Variants in CCDC92B observed in about 807,000 individuals in gnomAD.
CCDC92B encodes coiled-coil domain containing 92B.
CCDC92B carries 2 observed loss-of-function variants against 5.6 expected under a neutral mutation model. The observed-to-expected ratio is 0.36, with a 90% CI of 0.15 to 1.12. The LOEUF is 1.12. Among genes scored for constraint, CCDC92B ranks in the 50% most tolerant of loss-of-function variants. The pLI, the probability that CCDC92B is intolerant of heterozygous loss-of-function variation, is 0.40. For missense variants in CCDC92B, 271 were observed against 262.2 expected, an observed-to-expected ratio of 1.03 and a Z score of -0.23; for synonymous variants, 115 against 122.3, an observed-to-expected ratio of 0.94 and a Z score of 0.39.
chr17:2,724,989 G>C lies in CCDC92B; in HGVS notation c.190C>G (p.Arg64Gly), dbSNP rs894772157. 1 of 985,328 alleles carries C rather than the reference G, an allele frequency of 1.0e-6. No individual in the cohort carries two copies. The highest frequency in any genetic ancestry group is 1.2e-6 in the Non-Finnish European group (1 of 829,976). 61.0% of individuals were successfully genotyped at this position (985,328 alleles called of 1,614,324 possible). The part of the protein sequence containing the change: ...AQSHQQEAAS[R>G]ELESKCRALE... ...GCGCGGCACTTGCTCTCCAGCTCCC[G>C]GGACGCCGCCTCTGGAACGGGGCAG... The change falls in exon 4 of 4, where the codon CGG becomes GGG. Residue 64 changes from arginine (R) to glycine (G), a missense_variant. Arg to Gly is a moderately radical substitution (Grantham distance 125, BLOSUM62 -2). Transcript: ENST00000614400. This position sits in a 1 kb window ranked among gnomAD's most constrained non-coding sequence, Gnocchi z 5.0.
In CCDC92B at chr17:2,724,210, GGA is replaced by G; in HGVS notation, c.*199_*200del. 1.0e-6 allele frequency: 1 copy of G among 979,228 alleles called. No individual in the cohort carries two copies. The highest frequency in any genetic ancestry group is 1.2e-6 in the Non-Finnish European group (1 of 824,176). The allele number at this position is 979,228 out of a possible 1,614,324, so 60.7% of individuals were successfully genotyped here. On this transcript the variant is annotated 3_prime_UTR_variant, in exon 4 of 4. Coordinates refer to ENST00000614400, the MANE Select transcript of CCDC92B (RefSeq NM_001355573.2). The surrounding 1 kb of genome is among the most constrained non-coding windows in gnomAD (Gnocchi z 5.0). ...GCCCCGCGGAGGAACTCTCGCGCGA[GGA>G]GAGGGCTCGAAGCTTTGGAAACGTC...
At position 2,735,916 on chromosome 17, in the gene CCDC92B, G is replaced by C. The variant is rs117320066; in HGVS notation, c.-23-748C>G. On this transcript the variant is annotated intron_variant, in intron 1 of 3. Coordinates refer to ENST00000614400, the MANE Select transcript of CCDC92B (RefSeq NM_001355573.2). ...GTAAAATGAGGGAGATGTGGAGTGA[G>C]TGAGCCCTAGAGTCTCTTCCAGTTC... Among the ~76,000 whole-genome samples the C allele has an allele frequency of 4.7e-3, 722 of 152,288 alleles. 2 individuals carry two copies. The highest frequency in any genetic ancestry group is 0.01 in the Middle Eastern group (3 of 294).
chr17:2,733,252 C>T (rs1355456008), intron 2 of CCDC92B, among the ~76,000 whole-genome samples: 30 of 150,264 alleles, frequency 2.0e-4, no homozygotes, highest in Non-Finnish European at 3.0e-4. Flanking sequence ...CTTAGGGTTT[C>T]CTCTTCTCTT....
At chr17:2,733,774 T>TTTTTA (rs869196746) in intron 2 of CCDC92B, among the ~76,000 whole-genome samples, 4 of 96,916 alleles carry the variant, frequency 4.1e-5, no homozygotes, top group East Asian at 3.2e-4. Context: ...TTTTTTTTTT[T>TTTTTA]GAGACAGAGT....
At chr17:2,742,094 C>T (rs147260855) in intron 1 of CCDC92B, among the ~76,000 whole-genome samples, 28 of 149,714 alleles carry the variant, frequency 1.9e-4, no homozygotes, top group African/African-American at 6.0e-4. Flanking sequence ...TTTTTTGAGA[C>T]GGGATCTCAC....
chr17:2,739,157 G>A (rs1377583805), intron 1 of CCDC92B, among the ~76,000 whole-genome samples: 6 of 151,472 alleles, frequency 4.0e-5, no homozygotes, highest in Non-Finnish European at 7.4e-5. Context: ...CACGAGGTCA[G>A]GAGATCGAGA....
At chr17:2,737,687 AGGATG>A in intron 1 of CCDC92B, among the ~76,000 whole-genome samples, 1 of 151,882 alleles carries the variant, frequency 6.6e-6, no homozygotes, top group Middle Eastern at 3.4e-3. Flanking sequence ...CATGTTAGCC[AGGATG>A]GTCTCGATCT....
At chr17:2,729,494 C>CAA (rs34350398) in intron 3 of CCDC92B, among the ~76,000 whole-genome samples, 88,735 of 114,140 alleles carry the variant, frequency 0.78, 35,513 homozygotes, top group Non-Finnish European at 0.86. Context: ...GACTCCGTCT[C>CAA]AAAAAAAAAA....
Position 2,724,179 on chromosome 17 carries a change from C to CG in CCDC92B, c.*231dup, listed in dbSNP as rs2070694948. On this transcript the variant is annotated 3_prime_UTR_variant, in exon 4 of 4. Coordinates refer to ENST00000614400, the MANE Select transcript of CCDC92B (RefSeq NM_001355573.2). The surrounding 1 kb of genome is among the most constrained non-coding windows in gnomAD (Gnocchi z 5.0). ...GTCCTCTCGGTAGAGAAGGTGCCCC[C>CG]GCTCGGCCCCGCGGAGGAACTCTCG... is the stretch of plus-strand genomic sequence containing the variant. 1.0e-6 allele frequency: 1 copy of CG among 985,402 alleles called. No individual in the cohort carries two copies. The highest frequency in any genetic ancestry group is 1.2e-6 in the Non-Finnish European group (1 of 829,916). 61.0% of individuals were successfully genotyped at this position (985,402 alleles called of 1,614,324 possible). A position where few individuals can be genotyped will look rare whatever the true frequency, so the allele number is the denominator to read the frequency against.
intron 2 of CCDC92B, among the ~76,000 whole-genome samples, chr17:2,732,062 C>T (rs772853446): frequency 9.8e-5 from 15 of 152,322 alleles, no homozygotes; most frequent in African/African-American, 1.9e-4. Flanking sequence ...AAGAGGCTGT[C>T]GCCAGGATTA....
At chr17:2,726,385 T>C (rs1437612186) in intron 3 of CCDC92B, among the ~76,000 whole-genome samples, 1 of 151,224 alleles carries the variant, frequency 6.6e-6, no homozygotes, top group East Asian at 2.0e-4. Context: ...GGTTTCACCA[T>C]GTTAGCCAGG....
At position 2,729,494 on chromosome 17, in the gene CCDC92B, CA is replaced by C. The variant is rs34350398; in HGVS notation, c.178+951del. Among the ~76,000 whole-genome samples, 217 of 114,244 alleles carry C rather than the reference CA, an allele frequency of 1.9e-3. 1 individual carries two copies. Among genetic ancestry groups the C allele is most frequent in the African/African-American group, 7.1e-3 (205 of 28,742 alleles). 74.9% of individuals were successfully genotyped at this position (114,244 alleles called of 152,430 possible). ...GGGCGACAAGAGCGAGACTCCGTCT[CA>C]AAAAAAAAAAAAAAAAAAATTACTG... is the stretch of plus-strand genomic sequence containing the variant. On this transcript the variant is annotated intron_variant, in intron 3 of 3. Transcript: ENST00000614400.
chr17:2,731,447 C>G (rs560589778), intron 2 of CCDC92B, among the ~76,000 whole-genome samples: 2 of 152,290 alleles, frequency 1.3e-5, no homozygotes, highest in East Asian at 3.9e-4. Context: ...CCTGTGTACA[C>G]CTGCAGGGAC....
At chr17:2,725,988 CTTTTTTTTTTTTTTTT>C (rs565583381) in intron 3 of CCDC92B, among the ~76,000 whole-genome samples, 1 of 78,242 alleles carries the variant, frequency 1.3e-5, no homozygotes, top group African/African-American at 5.7e-5. Context: ...TTTATCACGT[CTTTTTTTTTTTTTTTT>C]TTTTTTTTTG....
chr17:2,745,090 AGAT>A (rs1567619519), intron 1 of CCDC92B, among the ~76,000 whole-genome samples: 8 of 143,050 alleles, frequency 5.6e-5, no homozygotes, highest in Non-Finnish European at 1.2e-4. Flanking sequence ...AAAAAAAAAA[AGAT>A]AAAATAAAAA....
chr17:2,730,409 C>T (rs999125845), intron 3 of CCDC92B, 37 bp downstream of exon 3: 3 of 981,268 alleles, frequency 3.1e-6, no homozygotes, highest in African/African-American at 3.5e-5. Context: ...AGCTGTTGGG[C>T]CCCATGACGC....
chr17:2,734,273 C>T (rs1236105197), intron 2 of CCDC92B, among the ~76,000 whole-genome samples: 1 of 152,142 alleles, frequency 6.6e-6, no homozygotes, highest in African/African-American at 2.4e-5. Context: ...TCTGGGGAGC[C>T]TCGGAGGCTG....
chr17:2,725,896 A>G (rs914531536), intron 3 of CCDC92B, among the ~76,000 whole-genome samples: 2 of 151,848 alleles, frequency 1.3e-5, no homozygotes, highest in Non-Finnish European at 2.9e-5. Flanking sequence ...AGCTTGTGTA[A>G]AAGTCCAGAG....
chr17:2,728,780 T>C (rs1444991870), intron 3 of CCDC92B, among the ~76,000 whole-genome samples: 1 of 152,190 alleles, frequency 6.6e-6, no homozygotes, highest in Non-Finnish European at 1.5e-5. Flanking sequence ...TCCAGCCACC[T>C]AGGCACCAAG....
Sources: gnomAD v4.1 joint callset for allele counts (sites outside exome capture counted in the v4.1 genomes callset) on GRCh38, gnomAD v4.1.1 for gene constraint, Gnocchi (gnomAD v3.1) non-coding constraint, MANE v1.5 for transcripts, NCBI Gene and HGNC (gene_info 2026-07-23, HGNC 2026-07-21) for gene names.